TRAPPC9: variants seen among roughly 807,000 people sequenced by gnomAD.
TRAPPC9 encodes IKK2 binding protein.
TRAPPC9 carries 83 observed loss-of-function variants against 124.0 expected under a neutral mutation model. The observed-to-expected ratio is 0.67, with a 90% CI of 0.56 to 0.80. The LOEUF is 0.80. TRAPPC9 is among the 30% of genes least tolerant of loss of function. The pLI, the probability that TRAPPC9 is intolerant of heterozygous loss-of-function variation, is 0.00. For synonymous variants in TRAPPC9, 638 were observed against 617.5 expected (o/e 1.03, Z -0.49); for missense variants, 1,302 against 1,508.3 (o/e 0.86, Z 2.27).
At chr8:140,433,716 T>C (rs2070727255) in intron 4 of TRAPPC9, among the ~76,000 whole-genome samples, 1 of 152,156 alleles carries the variant, frequency 6.6e-6, no homozygotes, top group Non-Finnish European at 1.5e-5. Context: ...CTATTACAGA[T>C]ACAGGAAAAA....
intron 21 of TRAPPC9, among the ~76,000 whole-genome samples, chr8:139,772,248 C>T (rs1312712771): frequency 1.3e-5 from 2 of 152,208 alleles, no homozygotes. Context: ...TGCCTGTGGC[C>T]CTACAGGCCC....
At chr8:139,849,503 A>C (rs1195209988) in intron 21 of TRAPPC9, among the ~76,000 whole-genome samples, 1 of 152,276 alleles carries the variant, frequency 6.6e-6, no homozygotes, top group Non-Finnish European at 1.5e-5. Context: ...AGCCACAAGA[A>C]TGTCTTAAGG....
At chr8:139,802,733 C>G (rs1473253352) in intron 21 of TRAPPC9, among the ~76,000 whole-genome samples, 1 of 152,202 alleles carries the variant, frequency 6.6e-6, no homozygotes, top group Non-Finnish European at 1.5e-5. Flanking sequence ...GTGGAACATT[C>G]TGTTTGGAAA....
At chr8:140,072,593 AAGGAGGAGGAGG>A (rs139221264) in intron 17 of TRAPPC9, among the ~76,000 whole-genome samples, 28 of 141,248 alleles carry the variant, frequency 2.0e-4, no homozygotes, top group South Asian at 4.5e-4. Flanking sequence ...AGGAGAAGGG[AAGGAGGAGGAGG>A]AGGAGGAGGA....
At chr8:140,348,351 G>GA (rs1030767509) in intron 9 of TRAPPC9, among the ~76,000 whole-genome samples, 8 of 152,296 alleles carry the variant, frequency 5.3e-5, no homozygotes, top group South Asian at 4.1e-4. Flanking sequence ...CAAACCTGCA[G>GA]AAAAAATCCA....
chr8:139,974,824 C>T (rs1205394096), intron 19 of TRAPPC9, among the ~76,000 whole-genome samples: 3 of 152,100 alleles, frequency 2.0e-5, no homozygotes, highest in Admixed American at 6.5e-5. Context: ...CCCAGGTTTC[C>T]GTGGTCTTCC....
chr8:140,246,843 G>C (rs540567715), intron 16 of TRAPPC9, among the ~76,000 whole-genome samples: 2 of 152,112 alleles, frequency 1.3e-5, no homozygotes, highest in Non-Finnish European at 2.9e-5. Context: ...AAATTACCCA[G>C]GTGTGGTGGC....
chr8:140,213,341 A>G (rs1167121151), intron 17 of TRAPPC9, among the ~76,000 whole-genome samples: 6 of 152,096 alleles, frequency 3.9e-5, no homozygotes, highest in Non-Finnish European at 8.8e-5. Flanking sequence ...TAAACTTTTT[A>G]TAATATATTC....
At chr8:140,154,709 TC>T (rs1473278838) in intron 17 of TRAPPC9, among the ~76,000 whole-genome samples, 2 of 152,314 alleles carry the variant, frequency 1.3e-5, no homozygotes, top group South Asian at 4.1e-4. Flanking sequence ...TGAAATCACA[TC>T]CCTTTTCTTC....
intron 17 of TRAPPC9, among the ~76,000 whole-genome samples, chr8:140,072,593 A>AGG (rs1843242347): frequency 2.8e-5 from 4 of 141,258 alleles, no homozygotes; most frequent in African/African-American, 8.1e-5. Flanking sequence ...AGGAGAAGGG[A>AGG]AGGAGGAGGA....
At chr8:140,442,853 G>C (rs2071072514) in intron 2 of TRAPPC9, among the ~76,000 whole-genome samples, 1 of 151,858 alleles carries the variant, frequency 6.6e-6, no homozygotes, top group South Asian at 2.1e-4. Flanking sequence ...GAAGTCTTTG[G>C]GCCTGGCGAG....
chr8:140,087,920 A>G lies in TRAPPC9; in HGVS notation c.2557-63841T>C, dbSNP rs1258649547. Among the ~76,000 whole-genome samples the G allele has an allele frequency of 6.6e-6, 1 of 151,994 alleles. No individual in the cohort carries two copies. Among genetic ancestry groups the G allele is most frequent in the Non-Finnish European group, 1.5e-5 (1 of 68,018 alleles). On this transcript the variant is annotated intron_variant, in intron 17 of 22. Coordinates refer to ENST00000438773, the MANE Select transcript of TRAPPC9 (RefSeq NM_001160372.4). This position sits in a 1 kb window ranked among gnomAD's most constrained non-coding sequence, Gnocchi z 4.6. ...GCAGGCTTCAGCTCCCAGCTCCTCC[A>G]TTACCACGTGGTACCATCTCTGGGC... is the stretch of plus-strand genomic sequence containing the variant.
intron 7 of TRAPPC9, among the ~76,000 whole-genome samples, chr8:140,386,260 G>C (rs917897689): frequency 6.0e-4 from 92 of 152,196 alleles, no homozygotes; most frequent in Non-Finnish European, 7.3e-4. Context: ...ACTGGCACAA[G>C]ACAGGGATGC....
intron 5 of TRAPPC9, among the ~76,000 whole-genome samples, chr8:140,416,962 A>G (rs1290705258): frequency 6.6e-6 from 1 of 152,238 alleles, no homozygotes; most frequent in Non-Finnish European, 1.5e-5. Context: ...AAAACAAGCA[A>G]TGAGGAAAAG....
intron 15 of TRAPPC9, among the ~76,000 whole-genome samples, chr8:140,268,445 A>C (rs1287180738): frequency 1.3e-5 from 2 of 152,230 alleles, no homozygotes; most frequent in Admixed American, 6.5e-5. Flanking sequence ...TCCACATGTA[A>C]ATGTACCGCA....
chr8:139,820,976 G>T (rs1286909575), intron 21 of TRAPPC9, among the ~76,000 whole-genome samples: 1 of 152,176 alleles, frequency 6.6e-6, no homozygotes, highest in Non-Finnish European at 1.5e-5. Context: ...ATACTGGATT[G>T]CAGAAAAATG....
intron 7 of TRAPPC9, among the ~76,000 whole-genome samples, chr8:140,381,130 G>A (rs143558150): frequency 3.3e-4 from 50 of 150,172 alleles, no homozygotes; most frequent in South Asian, 8.5e-4. Context: ...GCTTGAACCC[G>A]GGAGGCGGAG....
At chr8:139,779,582 C>T (rs73362161) in intron 21 of TRAPPC9, among the ~76,000 whole-genome samples, 11,863 of 152,140 alleles carry the variant, frequency 0.078, 1,554 homozygotes, top group African/African-American at 0.27. Flanking sequence ...ATTGCAACTA[C>T]ATTATAATAA....
chr8:140,428,424 TA>T (rs1342706463), intron 4 of TRAPPC9, among the ~76,000 whole-genome samples: 2 of 152,154 alleles, frequency 1.3e-5, no homozygotes, highest in African/African-American at 4.8e-5. Context: ...AGGAGATAAG[TA>T]GAAATCAGGT....
Sources: allele counts gnomAD v4.1 joint callset (sites outside exome capture counted in the v4.1 genomes callset), GRCh38; gene constraint gnomAD v4.1.1; non-coding constraint Gnocchi (gnomAD v3.1); transcripts MANE v1.5; gene names NCBI Gene and HGNC (gene_info 2026-07-23, HGNC 2026-07-21).